Variants in PTPRT observed in about 807,000 individuals in gnomAD.
The protein encoded by PTPRT is protein tyrosine phosphatase receptor type T.
Under a neutral mutation model 176.8 loss-of-function variants are expected in PTPRT, and 56 were observed. The observed-to-expected ratio is 0.32, with a 90% CI of 0.26 to 0.40. PTPRT has a LOEUF of 0.40. Among genes scored for constraint, PTPRT ranks in the 10% least tolerant of loss-of-function variants. The pLI, the probability that PTPRT is intolerant of heterozygous loss-of-function variation, is 1.00. For missense variants in PTPRT, 1,540 were observed against 1,908.2 expected, an observed-to-expected ratio of 0.81 and a Z score of 3.60; for synonymous variants, 783 against 739.0, an observed-to-expected ratio of 1.06 and a Z score of -0.96.
At position 42,677,811 on chromosome 20, in the gene PTPRT, T is replaced by C. The variant is rs1045065046; in HGVS notation, c.1153+55A>G. 1.6e-4 allele frequency: 254 copies of C among 1,557,720 alleles called. 1 individual carries two copies. Among genetic ancestry groups the C allele is most frequent in the Non-Finnish European group, 1.1e-4 (129 of 1,149,832 alleles). ...CACAGGAAGGCAAGAGGAAAGCCAG[T>C]CTTGGCAATAGCACAGCCTCTCATA... On this transcript the variant is annotated intron_variant, in intron 7 of 30. Coordinates refer to ENST00000373187, the MANE Select transcript of PTPRT (RefSeq NM_007050.6).
chr20:42,205,477 T>C (rs2055432179), intron 15 of PTPRT, among the ~76,000 whole-genome samples: 3 of 152,202 alleles, frequency 2.0e-5, no homozygotes, highest in Admixed American at 1.3e-4. Context: ...CTCAGCTCCC[T>C]GCTATTGGAG....
chr20:42,966,415 C>T (rs1331604381), intron 1 of PTPRT: 3 of 152,160 alleles, frequency 2.0e-5, no homozygotes, highest in Admixed American at 6.5e-5. Context: ...CCCTCAGTCC[C>T]TCCTGCTCTC....
intron 6 of PTPRT, among the ~76,000 whole-genome samples, chr20:42,705,256 G>A (rs944170659): frequency 1.3e-5 from 2 of 152,132 alleles, no homozygotes; most frequent in Non-Finnish European, 2.9e-5. Flanking sequence ...AAGGCTACTT[G>A]AGCAGGCTTA....
chr20:42,409,617 A>T (rs764333735), intron 9 of PTPRT, among the ~76,000 whole-genome samples: 9 of 152,062 alleles, frequency 5.9e-5, no homozygotes, highest in Non-Finnish European at 1.3e-4. Context: ...GAGCAGTCTG[A>T]AATAAATTGT....
intron 7 of PTPRT, among the ~76,000 whole-genome samples, chr20:42,621,123 G>A (rs1362023230): frequency 2.0e-5 from 3 of 152,116 alleles, no homozygotes. Flanking sequence ...AGATTTGGGT[G>A]GGGACAAAGA....
chr20:42,487,872 C>T (rs1287794587), intron 7 of PTPRT, among the ~76,000 whole-genome samples: 1 of 152,192 alleles, frequency 6.6e-6, no homozygotes, highest in Non-Finnish European at 1.5e-5. Context: ...TGTTTATTGA[C>T]ACTCTTCACT....
At chr20:42,332,951 A>G (rs1269298565) in intron 11 of PTPRT, among the ~76,000 whole-genome samples, 1 of 152,248 alleles carries the variant, frequency 6.6e-6, no homozygotes, top group Non-Finnish European at 1.5e-5. Flanking sequence ...AAGGCAAAGA[A>G]TGCACTCAAG....
chr20:42,636,727 G>T lies in PTPRT; in HGVS notation c.1153+41139C>A, dbSNP rs146154666. On this transcript the variant is annotated intron_variant, in intron 7 of 30. Transcript: ENST00000373187. ...TTGAATTCAGGAGGTGGAGGTTGCAGTGAGCCGAGATCACACCACTGCACT... is the reference window on the plus strand; with the variant it reads ...TTGAATTCAGGAGGTGGAGGTTGCATTGAGCCGAGATCACACCACTGCACT... 2.0e-3 allele frequency among the ~76,000 whole-genome samples: 301 copies of T among 151,934 alleles called. 5 individuals are homozygous for T. The highest frequency in any genetic ancestry group is 0.014 in the East Asian group (70 of 5,158).
chr20:42,425,439 C>T (rs970422250), intron 9 of PTPRT, among the ~76,000 whole-genome samples: 13 of 152,278 alleles, frequency 8.5e-5, no homozygotes, highest in African/African-American at 2.6e-4. Context: ...TGGCTTATTT[C>T]ACTCATCATA....
At chr20:42,453,837 ATT>A (rs11482073) in intron 8 of PTPRT, among the ~76,000 whole-genome samples, 6 of 140,998 alleles carry the variant, frequency 4.3e-5, no homozygotes, top group Admixed American at 1.4e-4. Flanking sequence ...CGCCCGGCTA[ATT>A]TTTTTTTTTT....
chr20:42,091,468 T>C (rs1984611061), intron 27 of PTPRT, among the ~76,000 whole-genome samples: 1 of 152,226 alleles, frequency 6.6e-6, no homozygotes, highest in Non-Finnish European at 1.5e-5. Flanking sequence ...TATGCCTTTC[T>C]TTTATTAAAA....
At chr20:42,260,431 G>A (rs1467536885) in intron 13 of PTPRT, among the ~76,000 whole-genome samples, 1 of 152,206 alleles carries the variant, frequency 6.6e-6, no homozygotes, top group Non-Finnish European at 1.5e-5. Context: ...GGCCTGCACT[G>A]GGGATTAAGG....
intron 2 of PTPRT, among the ~76,000 whole-genome samples, chr20:42,869,347 C>A (rs893428458): frequency 3.3e-5 from 5 of 152,122 alleles, no homozygotes; most frequent in Admixed American, 1.3e-4. Context: ...GCACGCCCAG[C>A]AAAGCCATGA....
At chr20:42,051,898 T>A in the PTPRT span, among the ~76,000 whole-genome samples, 10 of 152,332 alleles carry the variant, frequency 6.6e-5, no homozygotes, top group Admixed American at 2.0e-4. Flanking sequence ...GCACAAGCAA[T>A]TTCCAGACAA....
chr20:42,045,650 A>C, the PTPRT span, among the ~76,000 whole-genome samples: 1 of 122,590 alleles, frequency 8.2e-6, no homozygotes, highest in East Asian at 2.2e-4. Flanking sequence ...TACAAGTGGA[A>C]AGTCCTTTTT....
intron 13 of PTPRT, among the ~76,000 whole-genome samples, chr20:42,274,044 C>T (rs1349376416): frequency 2.6e-5 from 4 of 152,194 alleles, no homozygotes; most frequent in African/African-American, 7.2e-5. Flanking sequence ...TCATGGATCT[C>T]AGCAAAACAC....
Position 42,084,861 on chromosome 20 carries a change from C to G in PTPRT, c.3973-16G>C. ...CATCCTGTGGCTGAGAACAGAGAGG[C>G]TGTTAGGGCTGTTCTGCTGGGGATG... On this transcript the variant is annotated splice_polypyrimidine_tract_variant and intron_variant, in intron 28 of 30. Coordinates refer to ENST00000373187, the MANE Select transcript of PTPRT (RefSeq NM_007050.6). 1 of 1,390,864 alleles carries G rather than the reference C, an allele frequency of 7.2e-7. No individual in the cohort carries two copies. The highest frequency in any genetic ancestry group is 9.5e-7 in the Non-Finnish European group (1 of 1,055,146). 86.2% of individuals were successfully genotyped at this position (1,390,864 alleles called of 1,614,324 possible). A position where few individuals can be genotyped will look rare whatever the true frequency, so the allele number is the denominator to read the frequency against.
chr20:43,083,133 T>C (rs868766819), intron 1 of PTPRT, among the ~76,000 whole-genome samples: 7 of 151,816 alleles, frequency 4.6e-5, no homozygotes, highest in South Asian at 2.1e-4. Flanking sequence ...GGGCTGTCTG[T>C]GCAGCGAACA....
chr20:42,340,977 C>A (rs943978207), intron 11 of PTPRT, among the ~76,000 whole-genome samples: 1 of 152,154 alleles, frequency 6.6e-6, no homozygotes, highest in East Asian at 1.9e-4. Context: ...GACTGCCCCT[C>A]CATCCTTAGT....
Sources: allele counts gnomAD v4.1 joint callset (sites outside exome capture counted in the v4.1 genomes callset), GRCh38; gene constraint gnomAD v4.1.1; transcripts MANE v1.5; gene names NCBI Gene and HGNC (gene_info 2026-07-23, HGNC 2026-07-21).